The following MTERF4 variants were observed in gnomAD, a reference collection of about 807,000 sequenced individuals.
MTERF4 encodes the protein mitochondrial transcription termination factor 4, also known as transcription termination factor 4, mitochondrial.
In MTERF4, 17 loss-of-function variants were observed where a neutral mutation model predicts 22.5. That is an observed-to-expected ratio of 0.75 (90% CI 0.52 to 1.13). MTERF4 has a LOEUF of 1.13. Among genes scored for constraint, MTERF4 ranks in the 50% most tolerant of loss-of-function variants. The pLI is 0.00. For synonymous variants in MTERF4, 165 were observed against 175.3 expected (o/e 0.94, Z 0.47); for missense variants, 420 against 466.8 (o/e 0.90, Z 0.92).
Position 241,078,319 on chromosome 2 carries a change from T to C in MTERF4, n.480-2637A>G, listed in dbSNP as rs553594221. ...AATCGCTTGAACCCGGGAGGTGGAG[T>C]TTGCAGTGAGGTGAGATCGCGCCAC... On this transcript the variant is annotated intron_variant and non_coding_transcript_variant, in intron 4 of 4. Transcript: ENST00000464344. Among the ~76,000 whole-genome samples the C allele has an allele frequency of 3.4e-5, 5 of 147,734 alleles. No homozygotes were observed. In the East Asian group the frequency reaches 5.9e-4, roughly 18 times the overall value.
chr2:241,067,283 C>T (rs969155867), downstream of MTERF4, among the ~76,000 whole-genome samples: 20 of 152,156 alleles, frequency 1.3e-4, no homozygotes, highest in Admixed American at 6.5e-5. Context: ...ACTGGCTGGG[C>T]GGGAAGCGGA....
At chr2:241,051,667 G>A in the MTERF4 span, 1 of 1,181,090 alleles carries the variant, frequency 8.5e-7, no homozygotes, top group Non-Finnish European at 1.2e-6. This position sits in a 1 kb window ranked among gnomAD's most constrained non-coding sequence, Gnocchi z 4.7. Context: ...GGACTGAGGA[G>A]ATGCCAGGAG....
the MTERF4 span, chr2:241,063,247 T>G: frequency 2.1e-6 from 1 of 481,346 alleles, no homozygotes; most frequent in Admixed American, 3.3e-5. Flanking sequence ...TGCACACTCT[T>G]GTACCTCGCT....
At chr2:241,048,539 C>T in the MTERF4 span, 41 of 1,489,690 alleles carry the variant, frequency 2.8e-5, no homozygotes, top group Non-Finnish European at 3.5e-5. Context: ...CGAAAAGAAA[C>T]GTGTGAGTGC....
rs1273933358 is a variant in MTERF4, at chr2:241,102,250, TACCTG to T, written c.19_21+2del. ...GAAGCCCGCGCGCCCAGCTCGAGCT[TACCTG>T]ACGGCCGAACGCAGCCATAGCGCGG... On this transcript the variant is annotated splice_donor_variant and coding_sequence_variant, in exon 1 of 4. Coordinates refer to ENST00000391980, the MANE Select transcript of MTERF4 (RefSeq NM_182501.4). LOFTEE classifies it high-confidence loss of function. 6.5e-7 allele frequency: 1 copy of T among 1,549,254 alleles called. No homozygotes were observed. Among genetic ancestry groups the T allele is most frequent in the Non-Finnish European group, 8.7e-7 (1 of 1,146,128 alleles).
downstream of MTERF4, chr2:241,090,104 T>C: frequency 1.3e-6 from 2 of 1,499,254 alleles, no homozygotes; most frequent in Non-Finnish European, 1.8e-6. Context: ...ATTTTTAATT[T>C]TTACTTTTTA....
At chr2:241,053,285 G>T in the MTERF4 span, 1 of 1,600,560 alleles carries the variant, frequency 6.2e-7, no homozygotes. Flanking sequence ...ATCCGGGTCT[G>T]CCAGCCACAC....
At chr2:241,087,104 T>C (rs772302174), downstream of MTERF4, 14 of 347,784 alleles carry the variant, frequency 4.0e-5, no homozygotes, top group Non-Finnish European at 6.7e-5. Context: ...TCTTTGACAT[T>C]TCACATTTTA....
the MTERF4 span, among the ~76,000 whole-genome samples, chr2:241,056,657 T>C: frequency 1.1e-4 from 16 of 144,722 alleles, no homozygotes; most frequent in Middle Eastern, 3.6e-3. Flanking sequence ...CTCGGCTCAC[T>C]GCAATCTCCG....
chr2:241,052,375 A>G, the MTERF4 span: 2 of 1,580,958 alleles, frequency 1.3e-6, no homozygotes, highest in African/African-American at 2.7e-5. Context: ...CTGCTTCCGG[A>G]GCCCGTGTGT....
chr2:241,044,715 C>CACTT, the MTERF4 span, among the ~76,000 whole-genome samples: 99 of 152,248 alleles, frequency 6.5e-4, 1 homozygote, highest in African/African-American at 2.2e-3. Context: ...CCTTAAACTG[C>CACTT]GAAGGAAGAA....
chr2:241,068,594 G>A (rs12993047), downstream of MTERF4, among the ~76,000 whole-genome samples: 30,794 of 151,844 alleles, frequency 0.2, 3,296 homozygotes, highest in Middle Eastern at 0.31. This position sits in a 1 kb window ranked among gnomAD's most constrained non-coding sequence, Gnocchi z 5.3. Context: ...CTGAGGGCCC[G>A]TCCCCCATCC....
chr2:241,064,767 C>G, the MTERF4 span: 1 of 1,056,180 alleles, frequency 9.5e-7, no homozygotes, highest in African/African-American at 1.7e-5. The surrounding 1 kb of genome is among the most constrained non-coding windows in gnomAD (Gnocchi z 7.0). Flanking sequence ...GACCCAGTGC[C>G]CCAGGAGCAA....
At chr2:241,043,039 T>C in the MTERF4 span, among the ~76,000 whole-genome samples, 3 of 151,886 alleles carry the variant, frequency 2.0e-5, no homozygotes, top group Non-Finnish European at 4.4e-5. Flanking sequence ...TGGAGAACAA[T>C]ATTAAGCAGC....
chr2:241,065,616 C>G, the MTERF4 span: 1 of 1,603,928 alleles, frequency 6.2e-7, no homozygotes, highest in Admixed American at 1.7e-5. Flanking sequence ...CCGAGCCTGG[C>G]CGTCCCTGCC....
chr2:241,079,586 G>A (rs990684274), intron 4 of MTERF4, among the ~76,000 whole-genome samples: 4 of 152,136 alleles, frequency 2.6e-5, no homozygotes, highest in African/African-American at 9.7e-5. Context: ...CTGGAGATCG[G>A]CGAGGCTTCT....
chr2:241,047,705 G>C, the MTERF4 span, among the ~76,000 whole-genome samples: 2 of 152,368 alleles, frequency 1.3e-5, no homozygotes, highest in Admixed American at 6.5e-5. Context: ...CTGGCCCCTG[G>C]GTGGTCTCTC....
At chr2:241,077,078 CA>C (rs377757851) in intron 4 of MTERF4, among the ~76,000 whole-genome samples, 1,683 of 114,422 alleles carry the variant, frequency 0.015, 24 homozygotes, top group African/African-American at 0.041. Flanking sequence ...GACTCCGTCT[CA>C]AAAAAAAAAA....
downstream of MTERF4, chr2:241,090,582 A>G: frequency 4.0e-6 from 4 of 1,003,920 alleles, no homozygotes; most frequent in East Asian, 2.8e-5. Flanking sequence ...GTTTGTATAC[A>G]CCAGCATCAC....
Sources: gnomAD v4.1 joint callset for allele counts (sites outside exome capture counted in the v4.1 genomes callset) on GRCh38, gnomAD v4.1.1 for gene constraint, Gnocchi (gnomAD v3.1) non-coding constraint, MANE v1.5 for transcripts, NCBI Gene and HGNC (gene_info 2026-07-23, HGNC 2026-07-21) for gene names.